Variants in KCNN2 observed in about 807,000 individuals in gnomAD.
The protein encoded by KCNN2 is potassium calcium-activated channel subfamily N member 2, also known as small conductance calcium-activated potassium channel protein 2.
In KCNN2, 24 loss-of-function variants were observed where a neutral mutation model predicts 55.5. The ratio of observed to expected loss-of-function variants is 0.43; its 90% CI spans 0.31 to 0.61. The LOEUF is 0.61. Among genes scored for constraint, KCNN2 ranks in the 20% least tolerant of loss-of-function variants. The probability of loss-of-function intolerance (pLI) is 0.08; values close to 1 mark genes in which losing one functional copy is unlikely to be tolerated. For missense variants in KCNN2, 754 were observed against 853.6 expected (o/e 0.88, Z 1.45); for synonymous variants, 431 against 336.1 (o/e 1.28, Z -3.09).
At position 114,395,311 on chromosome 5, in the gene KCNN2, A is replaced by G. The variant is rs182094467; in HGVS notation, c.1219-9127A>G. On this transcript the variant is annotated intron_variant, in intron 2 of 7. Transcript: ENST00000673685. Reference sequence around the variant, plus strand: ...CATTTGGTTATCTGAGCAAATACAAAACAGTCGCACTGGAAAGTTCATGCT... The same window carrying G: ...CATTTGGTTATCTGAGCAAATACAAGACAGTCGCACTGGAAAGTTCATGCT... Among the ~76,000 whole-genome samples, 266 of 152,306 alleles carry G rather than the reference A, an allele frequency of 1.7e-3. 2 individuals are homozygous for G. In the South Asian group the frequency reaches 0.025, roughly 15 times the overall value.
intron 5 of KCNN2, among the ~76,000 whole-genome samples, chr5:114,475,899 A>T (rs895439731): frequency 2.0e-5 from 3 of 152,042 alleles, no homozygotes; most frequent in African/African-American, 4.8e-5. Context: ...TATACTTTAA[A>T]CTTCCTTTGG....
At chr5:114,183,342 T>A (rs1490913389) in intron 1 of KCNN2, among the ~76,000 whole-genome samples, 1 of 152,122 alleles carries the variant, frequency 6.6e-6, no homozygotes, top group Non-Finnish European at 1.5e-5. Flanking sequence ...TGTCATTTTT[T>A]AATATTGGGA....
At chr5:114,469,722 T>G (rs1394900901) in intron 4 of KCNN2, among the ~76,000 whole-genome samples, 1 of 152,226 alleles carries the variant, frequency 6.6e-6, no homozygotes, top group Non-Finnish European at 1.5e-5. Flanking sequence ...ATGCCATTAC[T>G]TAAATTACTA....
chr5:114,363,106 A>T lies in KCNN2; in HGVS notation c.967A>T (p.Lys323Ter). 1 of 1,613,168 alleles carries T rather than the reference A, an allele frequency of 6.2e-7. No individual in the cohort carries two copies. Among genetic ancestry groups the T allele is most frequent in the East Asian group, 2.2e-5 (1 of 44,866 alleles). The change falls in exon 1 of 8, where the codon AAA becomes TAA. Residue 323 changes from lysine to a stop codon, truncating the protein, a stop_gained. Transcript: ENST00000673685. LOFTEE classifies it high-confidence loss of function. ...HGSSSGTKSS[K>*]KKNQNIGYKL... ...CAGCAGCAGTGGCACCAAGTCCAGC[A>T]AAAAGAAAAACCAGAACATCGGCTA... is the stretch of plus-strand genomic sequence containing the variant.
intron 6 of KCNN2, 79 bp from the exon 7 acceptor site, chr5:114,493,324 T>A: frequency 1.1e-6 from 1 of 900,128 alleles, no homozygotes; most frequent in Non-Finnish European, 1.9e-6. Context: ...CTCTTGTCAA[T>A]TTTGTGCATG....
intron 2 of KCNN2, among the ~76,000 whole-genome samples, chr5:114,231,424 C>A (rs1416429301): frequency 3.4e-5 from 5 of 145,544 alleles, no homozygotes; most frequent in African/African-American, 1.3e-4. Flanking sequence ...TTAGGTCTAA[C>A]GTTTAAGTCT....
chr5:114,406,025 A>T (rs540247014), intron 3 of KCNN2, among the ~76,000 whole-genome samples: 27 of 150,306 alleles, frequency 1.8e-4, no homozygotes, highest in Admixed American at 4.0e-4. Flanking sequence ...TTTTTTTTTT[A>T]AATTTGGCTT....
intron 2 of KCNN2, among the ~76,000 whole-genome samples, chr5:114,333,308 GTT>G (rs140869281): frequency 3.9e-5 from 6 of 152,170 alleles, no homozygotes; most frequent in Non-Finnish European, 8.8e-5. Context: ...ACACAAATGA[GTT>G]TTCTTTATCC....
chr5:114,220,907 G>A (rs192898957), intron 1 of KCNN2, among the ~76,000 whole-genome samples: 2 of 152,116 alleles, frequency 1.3e-5, no homozygotes, highest in Non-Finnish European at 2.9e-5. Flanking sequence ...CATATTCCTG[G>A]TATATGTTCA....
chr5:114,453,404 A>G (rs973094427), intron 3 of KCNN2, among the ~76,000 whole-genome samples: 1 of 152,114 alleles, frequency 6.6e-6, no homozygotes. Flanking sequence ...AGCTCGGTCT[A>G]TTTTTCTCCT....
chr5:114,256,701 C>T (rs1285058882), intron 2 of KCNN2, among the ~76,000 whole-genome samples: 1 of 152,034 alleles, frequency 6.6e-6, no homozygotes, highest in Non-Finnish European at 1.5e-5. Context: ...ATATACTTTG[C>T]CCACTTATTA....
chr5:114,117,655 G>A (rs141918092), intron 1 of KCNN2, among the ~76,000 whole-genome samples: 34 of 152,278 alleles, frequency 2.2e-4, no homozygotes, highest in African/African-American at 7.9e-4. Context: ...TATTTAGAAA[G>A]GAGTAGAAGC....
At chr5:114,293,098 C>A (rs534450036) in intron 2 of KCNN2, among the ~76,000 whole-genome samples, 6 of 152,156 alleles carry the variant, frequency 3.9e-5, no homozygotes, top group Non-Finnish European at 5.9e-5. Context: ...TGGGCTGAGA[C>A]AATGGGGTTT....
At chr5:114,156,979 T>C (rs528251094) in intron 1 of KCNN2, among the ~76,000 whole-genome samples, 1 of 151,904 alleles carries the variant, frequency 6.6e-6, no homozygotes, top group South Asian at 2.1e-4. Context: ...TTACTGGAAA[T>C]GCACTTTGGG....
At chr5:114,208,258 C>G (rs1224127042) in intron 1 of KCNN2, among the ~76,000 whole-genome samples, 1 of 152,194 alleles carries the variant, frequency 6.6e-6, no homozygotes, top group Non-Finnish European at 1.5e-5. Flanking sequence ...ATTGTGGCTA[C>G]TTTATCTCCC....
chr5:114,234,427 T>G (rs1233528131), intron 2 of KCNN2, among the ~76,000 whole-genome samples: 1 of 152,198 alleles, frequency 6.6e-6, no homozygotes, highest in Non-Finnish European at 1.5e-5. Flanking sequence ...CTGTTAGGAT[T>G]TCATGTAGTA....
At chr5:114,471,605 A>G (rs550927086) in intron 4 of KCNN2, among the ~76,000 whole-genome samples, 2 of 152,318 alleles carry the variant, frequency 1.3e-5, no homozygotes, top group South Asian at 2.1e-4. Context: ...TAACTGAATA[A>G]TCATTTACTC....
chr5:114,344,672 G>A (rs1018501523), intron 2 of KCNN2, among the ~76,000 whole-genome samples: 1 of 152,194 alleles, frequency 6.6e-6, no homozygotes, highest in Non-Finnish European at 1.5e-5. Context: ...GGTCTGAGGA[G>A]TCCATCATGA....
At chr5:114,358,244 G>T (rs1014569038), upstream of KCNN2, among the ~76,000 whole-genome samples, 2 of 151,904 alleles carry the variant, frequency 1.3e-5, no homozygotes, top group East Asian at 3.9e-4. Context: ...AATCTACAAT[G>T]AACTCAAACA....
Sources: gnomAD v4.1 joint callset for allele counts (sites outside exome capture counted in the v4.1 genomes callset) on GRCh38, gnomAD v4.1.1 for gene constraint, MANE v1.5 for transcripts, NCBI Gene and HGNC (gene_info 2026-07-23, HGNC 2026-07-21) for gene names.